Variants in JPH1 observed in about 807,000 individuals in gnomAD.
The protein encoded by JPH1 is junctophilin 1, also known as junctophilin-1.
In JPH1, 12 loss-of-function variants were observed where a neutral mutation model predicts 53.6. The ratio of observed to expected loss-of-function variants is 0.22; its 90% CI spans 0.14 to 0.36. The LOEUF (loss-of-function observed/expected upper bound fraction) is 0.36, where lower values mean the gene tolerates loss of function less well. Among genes scored for constraint, JPH1 ranks in the 10% least tolerant of loss-of-function variants. The pLI is 1.00. For synonymous variants in JPH1, 375 were observed against 363.8 expected (o/e 1.03, Z -0.35); for missense variants, 808 against 905.5 (o/e 0.89, Z 1.38).
rs116117292 is a variant in JPH1 at position 74,302,415 on chromosome 8, T to C, written c.1139+12446A>G. Among the ~76,000 whole-genome samples the C allele has an allele frequency of 6.8e-3, 1,036 of 152,322 alleles. 11 individuals are homozygous for C. Among genetic ancestry groups the C allele is most frequent in the African/African-American group, 0.024 (983 of 41,572 alleles). On this transcript the variant is annotated intron_variant, in intron 2 of 5. Transcript: ENST00000342232. ...ATGGACTCTAGGTAGAAATAATTTT[T>C]TAAACTTTTTAAAGAAACCACTAGT...
At chr8:74,285,597 A>G (rs1807141164) in intron 2 of JPH1, among the ~76,000 whole-genome samples, 1 of 151,560 alleles carries the variant, frequency 6.6e-6, no homozygotes. Context: ...TGCAACTGAC[A>G]TGAGGCTATT....
In JPH1 at chr8:74,245,171, AG is replaced by A; in HGVS notation, c.1262del (p.Pro421LeufsTer12). 1 of 1,563,614 alleles carries A rather than the reference AG, an allele frequency of 6.4e-7. No individual in the cohort carries two copies. The highest frequency in any genetic ancestry group is 8.6e-7 in the Non-Finnish European group (1 of 1,165,874). On this transcript the variant is annotated frameshift_variant, in exon 4 of 6. Transcript: ENST00000342232. LOFTEE classifies it high-confidence loss of function. Reference protein sequence around the residue: ...ELSPDFYQPGPDYVKQRFQEG... With the variant: ...ELSPDFYQPGXDYVKQRFQEG... Reference sequence around the variant, plus strand: ...CCTGAAATCTCTGTTTGACGTAATCAGGGCCTGGCCAAAAAAAAAAGAAAAA... The same window carrying A: ...CCTGAAATCTCTGTTTGACGTAATCAGGCCTGGCCAAAAAAAAAAGAAAAA...
intron 4 of JPH1, among the ~76,000 whole-genome samples, chr8:74,238,770 A>G (rs1805613687): frequency 6.6e-6 from 1 of 152,038 alleles, no homozygotes; most frequent in Admixed American, 6.6e-5. Flanking sequence ...CTATCCTACC[A>G]CTTCAGCTTC....
intron 2 of JPH1, among the ~76,000 whole-genome samples, chr8:74,312,384 T>G (rs1184279253): frequency 6.6e-6 from 1 of 152,106 alleles, no homozygotes; most frequent in African/African-American, 2.4e-5. Flanking sequence ...CCCAAGTAAC[T>G]AGGACAGGTG....
At position 74,314,992 on chromosome 8, in the gene JPH1, C is replaced by G. The variant is rs1443399593; in HGVS notation, c.1008G>C (p.Leu336=). 1.2e-6 allele frequency: 2 copies of G among 1,614,200 alleles called. No homozygotes were observed. The highest frequency in any genetic ancestry group is 1.1e-5 in the South Asian group (1 of 91,084). ...KEEGKYKNNI[L]VRGIRKQLIP... is the part of the protein sequence containing the mutation. ...TAAGCTGCTTCCTTATCCCACGGAC[C>G]AGAATATTATTTTTGTATTTTCCCT... The change falls in exon 2 of 6, where the codon CTG becomes CTC. Residue 336 remains leucine (L), a synonymous_variant. Transcript: ENST00000342232.
intron 2 of JPH1, among the ~76,000 whole-genome samples, chr8:74,311,301 G>A (rs975613150): frequency 6.6e-6 from 1 of 152,190 alleles, no homozygotes; most frequent in South Asian, 2.1e-4. Flanking sequence ...GGTGGGAAGA[G>A]TGTCATCTTA....
chr8:74,271,994 G>A (rs184080764), intron 2 of JPH1, among the ~76,000 whole-genome samples: 1 of 152,344 alleles, frequency 6.6e-6, no homozygotes, highest in African/African-American at 2.4e-5. Context: ...GCAGGCAACT[G>A]CACAGAAACT....
intron 2 of JPH1, among the ~76,000 whole-genome samples, chr8:74,288,481 C>T (rs766384382): frequency 1.3e-5 from 2 of 152,124 alleles, no homozygotes. Flanking sequence ...TAGAGCCAGA[C>T]ATCCAGAAGG....
chr8:74,319,423 C>A (rs938348594), intron 1 of JPH1, among the ~76,000 whole-genome samples: 1 of 152,198 alleles, frequency 6.6e-6, no homozygotes, highest in African/African-American at 2.4e-5. Context: ...ACAGCGCTGT[C>A]AACCAGGTAC....
In JPH1 at chr8:74,237,216, A is replaced by T; in HGVS notation, c.*7T>A. On this transcript the variant is annotated 3_prime_UTR_variant, in exon 5 of 6. Transcript: ENST00000342232. ...ATTAAGGCGATTCTTACCTTTCCTA[A>T]TTCCAATCAAGTTAGAAAGTGAACA... is the stretch of plus-strand genomic sequence containing the variant. 2 of 1,593,860 alleles carry T rather than the reference A, an allele frequency of 1.3e-6. No individual in the cohort carries two copies. The highest frequency in any genetic ancestry group is 1.7e-6 in the Non-Finnish European group (2 of 1,163,504).
Position 74,244,805 on chromosome 8 carries a change from G to A in JPH1, c.1629C>T (p.Asn543=), listed in dbSNP as rs368114635. Residue 543 remains asparagine, a synonymous_variant, in exon 4 of 6, where the codon AAC becomes AAT. Coordinates refer to ENST00000342232, the MANE Select transcript of JPH1 (RefSeq NM_020647.4). ...SGRHHIPNPS[N]GELHSQYHGY... The stretch of plus-strand genomic sequence containing the variant: ...CGTGATACTGAGAATGCAGCTCCCC[G>A]TTACTGGGGTTGGGGATGTGGTGGC... The A allele has an allele frequency of 5.1e-5, 82 of 1,614,168 alleles. 1 individual carries two copies. In the Middle Eastern group the frequency reaches 9.9e-4, roughly 19 times the overall value.
intron 2 of JPH1, among the ~76,000 whole-genome samples, chr8:74,308,469 C>A (rs964288655): frequency 6.6e-6 from 1 of 152,180 alleles, no homozygotes; most frequent in African/African-American, 2.4e-5. Flanking sequence ...TTTTGCCCAG[C>A]AAAACAAAAT....
At chr8:74,309,068 C>T (rs1440493275) in intron 2 of JPH1, among the ~76,000 whole-genome samples, 4 of 152,274 alleles carry the variant, frequency 2.6e-5, no homozygotes, top group South Asian at 2.1e-4. Flanking sequence ...AGAAGAGACT[C>T]CCTCCTAAGA....
intron 3 of JPH1, among the ~76,000 whole-genome samples, chr8:74,251,886 A>G (rs1052866926): frequency 2.0e-5 from 3 of 152,212 alleles, no homozygotes; most frequent in Non-Finnish European, 4.4e-5. Context: ...CCAAAAGAAC[A>G]AAGCTGGAGG....
chr8:74,282,783 T>C (rs1487761032), intron 2 of JPH1, among the ~76,000 whole-genome samples: 2 of 152,178 alleles, frequency 1.3e-5, no homozygotes, highest in Non-Finnish European at 2.9e-5. Context: ...TCATTATGCA[T>C]TTTCGAATAG....
At chr8:74,261,700 T>G (rs1806400910) in intron 2 of JPH1, among the ~76,000 whole-genome samples, 1 of 152,020 alleles carries the variant, frequency 6.6e-6, no homozygotes, top group South Asian at 2.1e-4. Context: ...TAAACTTTTT[T>G]CCCCCAAATG....
At position 74,309,989 on chromosome 8, in the gene JPH1, T is replaced by C. The variant is rs181040744; in HGVS notation, c.1139+4872A>G. ...ATTCTAAGTTATAAGGCTCTAGTTA[T>C]AGTTTAGGGCTCTAAAACAGCACTC... On this transcript the variant is annotated intron_variant, in intron 2 of 5. Transcript: ENST00000342232. 5.3e-5 allele frequency among the ~76,000 whole-genome samples: 8 copies of C among 152,314 alleles called. No individual in the cohort carries two copies. In the East Asian group the frequency reaches 1.4e-3, roughly 26 times the overall value.
chr8:74,301,017 G>C (rs1441668853), intron 2 of JPH1, among the ~76,000 whole-genome samples: 1 of 152,066 alleles, frequency 6.6e-6, no homozygotes, highest in Non-Finnish European at 1.5e-5. Flanking sequence ...CCATATACTG[G>C]GAATGAATGA....
chr8:74,244,835 AGAGT>A lies in JPH1; in HGVS notation c.1595_1598del (p.Tyr532LeufsTer23). ...TGGGGTTGGGGATGTGGTGGCGGCCAGAGTACTTGGACTGGGGCACAACCGCTCC... is the reference window on the plus strand; with the variant it reads ...TGGGGTTGGGGATGTGGTGGCGGCCAACTTGGACTGGGGCACAACCGCTCC... On this transcript the variant is annotated frameshift_variant, in exon 4 of 6. Transcript: ENST00000342232. LOFTEE classifies it high-confidence loss of function. 1 of 1,614,200 alleles carries A rather than the reference AGAGT, an allele frequency of 6.2e-7. No homozygotes were observed. Among genetic ancestry groups the A allele is most frequent in the East Asian group, 2.2e-5 (1 of 44,888 alleles).
Sources: gnomAD v4.1 joint callset for allele counts (sites outside exome capture counted in the v4.1 genomes callset) on GRCh38, gnomAD v4.1.1 for gene constraint, MANE v1.5 for transcripts, NCBI Gene and HGNC (gene_info 2026-07-23, HGNC 2026-07-21) for gene names.